Variants in FSIP2 observed in about 807,000 individuals in gnomAD.
FSIP2 encodes the protein fibrous sheath interacting protein 2, also known as fibrous sheath-interacting protein 2.
FSIP2 carries 367 observed loss-of-function variants against 510.5 expected under a neutral mutation model. The observed-to-expected ratio is 0.72, with a 90% confidence interval of 0.66 to 0.78. FSIP2 has a LOEUF of 0.78. Among genes scored for constraint, FSIP2 ranks in the 30% least tolerant of loss-of-function variants. FSIP2 has a pLI of 0.00. For synonymous variants in FSIP2, 2,601 were observed against 2,732.2 expected (o/e 0.95, Z 1.50); for missense variants, 7,594 against 7,901.7 (o/e 0.96, Z 1.48).
chr2:185,749,990 A>G (rs1249511685), intron 7 of FSIP2, among the ~76,000 whole-genome samples: 1 of 151,740 alleles, frequency 6.6e-6, no homozygotes, highest in African/African-American at 2.4e-5. Context: ...TGTTAAATGA[A>G]TCCTGAACAA....
chr2:185,832,755 A>C (rs557581249), intron 22 of FSIP2, among the ~76,000 whole-genome samples: 3 of 152,042 alleles, frequency 2.0e-5, no homozygotes, highest in African/African-American at 7.2e-5. Context: ...AATTTACTCA[A>C]AGTAGGTGAG....
chr2:185,738,291 C>T, upstream of FSIP2: 1 of 326,106 alleles, frequency 3.1e-6, no homozygotes, highest in Non-Finnish European at 5.7e-6. Context: ...TAGGATCAAG[C>T]TGCAGGAGCA....
At chr2:185,753,201 G>GT (rs980354830) in intron 7 of FSIP2, among the ~76,000 whole-genome samples, 6 of 151,054 alleles carry the variant, frequency 4.0e-5, no homozygotes, top group Non-Finnish European at 7.4e-5. Context: ...GTCTTGGGTA[G>GT]TTTTTTTTAC....
At chr2:185,755,127 T>G (rs1015476512) in intron 8 of FSIP2, among the ~76,000 whole-genome samples, 2 of 151,544 alleles carry the variant, frequency 1.3e-5, no homozygotes, top group Non-Finnish European at 3.0e-5. Context: ...AAAAAGTCAT[T>G]GTTGATAACC....
chr2:185,782,999 G>A (rs1172774934), intron 14 of FSIP2, among the ~76,000 whole-genome samples: 1 of 152,060 alleles, frequency 6.6e-6, no homozygotes, highest in Non-Finnish European at 1.5e-5. Context: ...GGGTCTCCAT[G>A]CCACTTTCAA....
chr2:185,790,084 C>T lies in FSIP2; in HGVS notation c.2948C>T (p.Pro983Leu). The change falls in exon 16 of 23, where the codon CCT (proline) becomes CTT (leucine). Residue 983 changes from proline (P) to leucine (L), a missense_variant. By Grantham distance (98) the Pro-to-Leu change is moderately conservative. Coordinates refer to ENST00000424728, the MANE Select transcript of FSIP2 (RefSeq NM_173651.4). ...ACTGGCACTAGATTATCAAATAGTC[C>T]TAGGTCTGGAAGACCATTTCCACCT... is the stretch of plus-strand genomic sequence containing the variant. ...RLTGTRLSNS[P>L]RSGRPFPPIN... 6.5e-7 allele frequency: 1 copy of T among 1,533,792 alleles called. No individual in the cohort carries two copies. Among genetic ancestry groups the T allele is most frequent in the Non-Finnish European group, 8.7e-7 (1 of 1,145,434 alleles).
upstream of FSIP2, chr2:185,738,640 C>A: frequency 6.5e-7 from 1 of 1,536,050 alleles, no homozygotes; most frequent in Non-Finnish European, 8.7e-7. Flanking sequence ...GAAGTTTCAA[C>A]TGTGGTCCTC....
chr2:185,825,903 T>C (rs1694006270), intron 20 of FSIP2, among the ~76,000 whole-genome samples: 1 of 151,834 alleles, frequency 6.6e-6, no homozygotes, highest in Non-Finnish European at 1.5e-5. Context: ...AAGTCATGTG[T>C]CACATAATGA....
chr2:185,804,674 A>G lies in FSIP2; in HGVS notation c.15368A>G (p.Tyr5123Cys). ...LPHSLLEDMV[Y>C]RLLGHVFPST... ...CATTCTCTTTTAGAAGATATGGTTTACAGGCTTCTAGGGCATGTCTTCCCT... is the reference window on the plus strand; with the variant it reads ...CATTCTCTTTTAGAAGATATGGTTTGCAGGCTTCTAGGGCATGTCTTCCCT... Residue 5123 changes from tyrosine (Y) to cysteine (C), a missense_variant, in exon 17 of 23, where the codon TAC (tyrosine) becomes TGC (cysteine). Transcript: ENST00000424728. 6.5e-7 allele frequency: 1 copy of G among 1,532,696 alleles called. No individual in the cohort carries two copies. Among genetic ancestry groups the G allele is most frequent in the Non-Finnish European group, 8.7e-7 (1 of 1,144,732 alleles). The allele number at this position is 1,532,696 out of a possible 1,614,324, so 94.9% of individuals were successfully genotyped here.
In FSIP2 at chr2:185,803,017, A is replaced by T; in HGVS notation, c.13711A>T (p.Ile4571Phe). ...AVQNITSSND[I>F]LIDRIAGFII... ...GCAAAATATCACAAGCAGTAATGACATTCTTATAGATAGAATAGCAGGTTT... is the reference window on the plus strand; with the variant it reads ...GCAAAATATCACAAGCAGTAATGACTTTCTTATAGATAGAATAGCAGGTTT... The change falls in exon 17 of 23, where the codon ATT becomes TTT. Residue 4571 changes from isoleucine (I) to phenylalanine (F), a missense_variant. Transcript: ENST00000424728. 1 of 1,528,876 alleles carries T rather than the reference A, an allele frequency of 6.5e-7. No homozygotes were observed. Among genetic ancestry groups the T allele is most frequent in the South Asian group, 1.2e-5 (1 of 82,618 alleles). 94.7% of individuals were successfully genotyped at this position (1,528,876 alleles called of 1,614,324 possible).
Position 185,808,309 on chromosome 2 carries a change from T to C in FSIP2, c.19003T>C (p.Ser6335Pro). 1 of 1,607,842 alleles carries C rather than the reference T, an allele frequency of 6.2e-7. No individual in the cohort carries two copies. Among genetic ancestry groups the C allele is most frequent in the Non-Finnish European group, 8.5e-7 (1 of 1,178,052 alleles). The change falls in exon 17 of 23, where the codon TCT becomes CCT. Residue 6335 changes from serine to proline, a missense_variant. Ser to Pro is a moderately conservative substitution (Grantham distance 74). Transcript: ENST00000424728. ...IIDELKSKEK[S>P]SSRKGLTLDA... ...TGATGAACTTAAGTCTAAGGAAAAG[T>C]CTTCATCCAGAAAAGGTTTGACATT... is the stretch of plus-strand genomic sequence containing the variant.
intron 3 of FSIP2, 69 bp downstream of exon 3, chr2:185,743,363 T>A: frequency 9.6e-7 from 1 of 1,042,978 alleles, no homozygotes; most frequent in Non-Finnish European, 1.3e-6. Flanking sequence ...CTTGTTTCTG[T>A]ACCTCACTCG....
chr2:185,792,918 T>G lies in FSIP2; in HGVS notation c.5782T>G (p.Leu1928Val). Residue 1928 changes from leucine (L) to valine (V), a missense_variant, in exon 16 of 23, where the codon TTA becomes GTA. Physicochemically the swap from Leu to Val is conservative, Grantham distance 32 (BLOSUM62 1). Transcript: ENST00000424728. The stretch of plus-strand genomic sequence containing the variant: ...TATTGTACAGGCAATATTAACAAAT[T>G]TAGAAACTTTTGCTACTTCCAAAGT... ...EDIVQAILTNLETFATSKVKS... is the reference protein window; with the variant it reads ...EDIVQAILTNVETFATSKVKS... 6.5e-7 allele frequency: 1 copy of G among 1,533,990 alleles called. No individual in the cohort carries two copies. The highest frequency in any genetic ancestry group is 1.4e-5 in the African/African-American group (1 of 72,986).
intron 1 of FSIP2, 27 bp downstream of exon 1, chr2:185,739,020 C>T (rs982331299): frequency 1.0e-5 from 16 of 1,523,808 alleles, no homozygotes; most frequent in East Asian, 2.5e-5. Flanking sequence ...TGGGCGGCGT[C>T]GCCCTCTGGC....
chr2:185,747,221 G>A, intron 6 of FSIP2, 92 bp from the exon 7 acceptor site: 1 of 699,874 alleles, frequency 1.4e-6, no homozygotes, highest in Non-Finnish European at 2.4e-6. Context: ...GTTAGGCCCT[G>A]ACTTGTTTAA....
intron 3 of FSIP2, 128 bp downstream of exon 3, chr2:185,743,422 C>A (rs1398326886): frequency 4.5e-6 from 2 of 441,570 alleles, no homozygotes; most frequent in East Asian, 3.5e-5. Flanking sequence ...ACTTAATAGG[C>A]AGTTCTATAA....
rs1366474860 is a variant in FSIP2, at chr2:185,788,781, T to C, written c.1645T>C (p.Ser549Pro). 1 of 1,534,420 alleles carries C rather than the reference T, an allele frequency of 6.5e-7. No homozygotes were observed. Among genetic ancestry groups the C allele is most frequent in the South Asian group, 1.2e-5 (1 of 84,036 alleles). The change falls in exon 16 of 23, where the codon TCC becomes CCC. Residue 549 changes from serine (S) to proline (P), a missense_variant. Transcript: ENST00000424728. ...QNNTYPVSDD[S>P]ILSSDSSSFC... ...TAATACATACCCAGTATCTGATGACTCCATCCTCTCTTCAGATAGTTCAAG... is the reference window on the plus strand; with the variant it reads ...TAATACATACCCAGTATCTGATGACCCCATCCTCTCTTCAGATAGTTCAAG...
intron 9 of FSIP2, among the ~76,000 whole-genome samples, chr2:185,760,102 A>T: frequency 6.6e-6 from 1 of 150,624 alleles, no homozygotes; most frequent in East Asian, 1.9e-4. Context: ...TTATCTGTAA[A>T]TTCTATTTTG....
In FSIP2 at chr2:185,801,300, C is replaced by A; in HGVS notation, c.11994C>A (p.Ile3998=). 1 of 1,533,498 alleles carries A rather than the reference C, an allele frequency of 6.5e-7. No individual in the cohort carries two copies. The allele number at this position is 1,533,498 out of a possible 1,614,324, so 95.0% of individuals were successfully genotyped here. The part of the protein sequence containing the change: ...SMSLWGKNKN[I]TVSWLNEMNT... ...CATTGTGGGGCAAAAATAAAAACAT[C>A]ACTGTGTCCTGGCTCAATGAGATGA... The change falls in exon 17 of 23, where the codon ATC becomes ATA. Residue 3998 remains isoleucine, a synonymous_variant. Transcript: ENST00000424728.
Sources: gnomAD v4.1 joint callset for allele counts (sites outside exome capture counted in the v4.1 genomes callset) on GRCh38, gnomAD v4.1.1 for gene constraint, MANE v1.5 for transcripts, NCBI Gene and HGNC (gene_info 2026-07-23, HGNC 2026-07-21) for gene names.